Variants in SYT6 observed in about 807,000 individuals in gnomAD.
SYT6 encodes the protein synaptotagmin-6.
Under a neutral mutation model 38.4 loss-of-function variants are expected in SYT6, and 24 were observed. The observed-to-expected ratio is 0.62, with a 90% CI of 0.45 to 0.88. The LOEUF is 0.88. Ranked by LOEUF, SYT6 falls within the 40% of genes least tolerant of loss-of-function variation. The pLI, the probability that SYT6 is intolerant of heterozygous loss-of-function variation, is 0.00. For missense variants in SYT6, 611 were observed against 621.0 expected, an observed-to-expected ratio of 0.98 and a Z score of 0.17; for synonymous variants, 265 against 241.9, an observed-to-expected ratio of 1.10 and a Z score of -0.89.
rs576123951 is a variant in SYT6 at position 114,141,886 on chromosome 1, C to T, written c.164-1923G>A. 8.7e-4 allele frequency among the ~76,000 whole-genome samples: 132 copies of T among 152,196 alleles called. 1 individual carries two copies. Among genetic ancestry groups the T allele is most frequent in the Non-Finnish European group, 1.6e-3 (112 of 68,042 alleles). The stretch of plus-strand genomic sequence containing the variant: ...TGCTCTAAAAATGGAAAAACAAAAC[C>T]TGGATAATAGCATATCTGTTTAAGA... On this transcript the variant is annotated intron_variant, in intron 1 of 7. Coordinates refer to ENST00000610222, the MANE Select transcript of SYT6 (RefSeq NM_001253772.2).
Position 114,153,459 on chromosome 1 carries a change from G to T in SYT6, c.163+151C>A, listed in dbSNP as rs1282181156. On this transcript the variant is annotated intron_variant, in intron 1 of 7. Coordinates refer to ENST00000610222, the MANE Select transcript of SYT6 (RefSeq NM_001253772.2). ...TCTCTCCTGGCTGTGCAAGCGATGG[G>T]CCAGAGGGCTGGACGAGGCTGGCTC... is the stretch of plus-strand genomic sequence containing the variant. 1.3e-5 allele frequency: 7 copies of T among 527,270 alleles called. No homozygotes were observed. The East Asian group carries it at 1.7e-4, about 13-fold the overall frequency. The allele number at this position is 527,270 out of a possible 1,614,324, so 32.7% of individuals were successfully genotyped here. A position where few individuals can be genotyped will look rare whatever the true frequency, so the allele number is the denominator to read the frequency against.
Position 114,091,865 on chromosome 1 carries a change from T to G in SYT6, c.*269A>C, listed in dbSNP as rs1675320781. The G allele has an allele frequency of 4.4e-6, 3 of 679,910 alleles. No homozygotes were observed. The highest frequency in any genetic ancestry group is 3.9e-5 in the South Asian group (2 of 50,786). 42.1% of individuals were successfully genotyped at this position (679,910 alleles called of 1,614,324 possible). The stretch of plus-strand genomic sequence containing the variant: ...GACCACATGACAAGTGTCTCAGCTT[T>G]GACCTACACAGGAGCAGGTAAGACT... On this transcript the variant is annotated 3_prime_UTR_variant, in exon 8 of 8. Transcript: ENST00000610222.
intron 3 of SYT6, 33 bp downstream of exon 3, chr1:114,137,462 C>T: frequency 7.6e-6 from 12 of 1,585,426 alleles, no homozygotes; most frequent in Non-Finnish European, 1.0e-5. Flanking sequence ...AACCACAAAT[C>T]CTCAAGAAGC....
intron 3 of SYT6, among the ~76,000 whole-genome samples, chr1:114,109,406 G>C (rs576665352): frequency 2.3e-4 from 35 of 152,276 alleles, no homozygotes; most frequent in Admixed American, 1.0e-3. Context: ...GTGGATTTGG[G>C]GTCAGGCAGA....
intron 3 of SYT6, among the ~76,000 whole-genome samples, chr1:114,121,860 T>C (rs963584381): frequency 3.4e-5 from 4 of 118,010 alleles, no homozygotes; most frequent in African/African-American, 1.4e-4. Context: ...CAATAAACCA[T>C]GGCAAGAACC....
chr1:114,145,940 T>C (rs547208845), intron 1 of SYT6, among the ~76,000 whole-genome samples: 1 of 152,210 alleles, frequency 6.6e-6, no homozygotes, highest in Non-Finnish European at 1.5e-5. Context: ...GGTTGCTATT[T>C]AGATTGCCTC....
intron 6 of SYT6, 113 bp downstream of exon 6, chr1:114,097,613 GC>G: frequency 7.7e-7 from 1 of 1,291,570 alleles, no homozygotes. Flanking sequence ...GAAGCATGTG[GC>G]CCTCATGCCC....
At chr1:114,121,570 C>G (rs937707157) in intron 3 of SYT6, among the ~76,000 whole-genome samples, 3 of 152,142 alleles carry the variant, frequency 2.0e-5, no homozygotes, top group Non-Finnish European at 4.4e-5. Flanking sequence ...TTTTTTGTGG[C>G]TTTCTGTATT....
At chr1:114,103,765 C>T in intron 3 of SYT6, 44 bp from the exon 4 acceptor site, 1 of 1,593,032 alleles carries the variant, frequency 6.3e-7, no homozygotes, top group Non-Finnish European at 8.6e-7. Flanking sequence ...GCTTGCAGAC[C>T]ATGGGCCTCA....
chr1:114,104,863 G>A (rs939126651), intron 3 of SYT6, among the ~76,000 whole-genome samples: 10 of 152,034 alleles, frequency 6.6e-5, no homozygotes, highest in African/African-American at 2.4e-4. Context: ...CAGATTCAGA[G>A]GGTACATATA....
chr1:114,099,248 A>G lies in SYT6; in HGVS notation c.1210T>C (p.Ser404Pro). 1.2e-6 allele frequency: 2 copies of G among 1,613,190 alleles called. No individual in the cohort carries two copies. The highest frequency in any genetic ancestry group is 1.1e-5 in the South Asian group (1 of 90,912). Residue 404 changes from serine (S) to proline (P), a missense_variant, in exon 5 of 8, where the codon TCC (serine) becomes CCC (proline). Physicochemically the swap from Ser to Pro is moderately conservative, Grantham distance 74. Transcript: ENST00000610222. ...AGCCTCCGCCCATCACAGAGCAAGG[A>G]CACTTTCACATAGGGATCTGTGCCA... ...TGYSDPYVKV[S>P]LLCDGRRLKK... is the part of the protein sequence containing the mutation.
Position 114,091,838 on chromosome 1 carries a change from C to T in SYT6, c.*296G>A. 1 of 584,556 alleles carries T rather than the reference C, an allele frequency of 1.7e-6. No homozygotes were observed. The highest frequency in any genetic ancestry group is 2.9e-6 in the Non-Finnish European group (1 of 340,004). The allele number at this position is 584,556 out of a possible 1,614,324, so 36.2% of individuals were successfully genotyped here. A position where few individuals can be genotyped will look rare whatever the true frequency, so the allele number is the denominator to read the frequency against. On this transcript the variant is annotated 3_prime_UTR_variant, in exon 8 of 8. Transcript: ENST00000610222. ...GGAGACACAAAAGACTAAGACAGAT[C>T]TGACCACATGACAAGTGTCTCAGCT...
chr1:114,128,884 G>A (rs1385299629), intron 3 of SYT6, among the ~76,000 whole-genome samples: 1 of 152,106 alleles, frequency 6.6e-6, no homozygotes, highest in Non-Finnish European at 1.5e-5. Flanking sequence ...TTATTCCACT[G>A]GGATCTCAAT....
intron 3 of SYT6, among the ~76,000 whole-genome samples, chr1:114,131,271 A>T (rs981038340): frequency 3.9e-5 from 6 of 152,168 alleles, no homozygotes; most frequent in Admixed American, 3.9e-4. Flanking sequence ...AAAGAAACCC[A>T]ATCTTATGTG....
At position 114,097,944 on chromosome 1, in the gene SYT6, G is replaced by A. The variant is rs374204964; in HGVS notation, c.1365-67C>T. ...GCCCTCAGAAAAGGAGGTCCAGTGT[G>A]GGGGGTGGTAGGACTCTGCCCGATG... On this transcript the variant is annotated intron_variant, in intron 5 of 7. Coordinates refer to ENST00000610222, the MANE Select transcript of SYT6 (RefSeq NM_001253772.2). 17 of 1,581,492 alleles carry A rather than the reference G, an allele frequency of 1.1e-5. No individual in the cohort carries two copies. In the African/African-American group the frequency reaches 1.3e-4, roughly 13 times the overall value.
At chr1:114,101,767 C>T (rs567037048) in intron 4 of SYT6, among the ~76,000 whole-genome samples, 1 of 152,346 alleles carries the variant, frequency 6.6e-6, no homozygotes, top group African/African-American at 2.4e-5. Context: ...ACCCCCACTG[C>T]TTCACCCTTG....
At position 114,148,381 on chromosome 1, in the gene SYT6, C is replaced by T. The variant is rs1679262169; in HGVS notation, c.163+5229G>A. On this transcript the variant is annotated intron_variant, in intron 1 of 7. Coordinates refer to ENST00000610222, the MANE Select transcript of SYT6 (RefSeq NM_001253772.2). Reference sequence around the variant, plus strand: ...GAAGAGATAAACTGGGAAGAGGAAGCAAAAAGAAAGAACCATTTTCCCTAC... The same window carrying T: ...GAAGAGATAAACTGGGAAGAGGAAGTAAAAAGAAAGAACCATTTTCCCTAC... Among the ~76,000 whole-genome samples, 3 of 152,316 alleles carry T rather than the reference C, an allele frequency of 2.0e-5. No individual in the cohort carries two copies. The South Asian group carries it at 6.2e-4, about 32-fold the overall frequency.
At position 114,153,744 on chromosome 1, in the gene SYT6, G is replaced by T; in HGVS notation, c.29C>A (p.Pro10His). Reference protein sequence around the residue: MSGVWGAGGPRCQEALAVLA... With the variant: MSGVWGAGGHRCQEALAVLA... The stretch of plus-strand genomic sequence containing the variant: ...GACCGCGAGCGCCTCCTGGCACCGA[G>T]GCCCGCCGGCCCCCCACACTCCGCT... Residue 10 changes from proline (P) to histidine (H), a missense_variant, in exon 1 of 8, where the codon CCT becomes CAT. Pro to His is a moderately conservative substitution (Grantham distance 77). Transcript: ENST00000610222. 1 of 680,800 alleles carries T rather than the reference G, an allele frequency of 1.5e-6. No homozygotes were observed. Among genetic ancestry groups the T allele is most frequent in the Admixed American group, 2.1e-5 (1 of 47,952 alleles). 42.2% of individuals were successfully genotyped at this position (680,800 alleles called of 1,614,324 possible).
At chr1:114,119,574 A>G (rs1677247451) in intron 3 of SYT6, among the ~76,000 whole-genome samples, 2 of 152,216 alleles carry the variant, frequency 1.3e-5, no homozygotes, top group Non-Finnish European at 2.9e-5. Flanking sequence ...TGAGAGAACA[A>G]GCATGGAGAT....
Sources: allele counts gnomAD v4.1 joint callset (sites outside exome capture counted in the v4.1 genomes callset), GRCh38; gene constraint gnomAD v4.1.1; transcripts MANE v1.5; gene names NCBI Gene and HGNC (gene_info 2026-07-23, HGNC 2026-07-21).